STK32A: variants seen among roughly 807,000 people sequenced by gnomAD.
The protein encoded by STK32A is serine/threonine-protein kinase 32A.
Under a neutral mutation model 53.2 loss-of-function variants are expected in STK32A, and 41 were observed. That is an observed-to-expected ratio of 0.77 (90% confidence interval 0.60 to 1.00). The LOEUF (loss-of-function observed/expected upper bound fraction) is 1.00, where lower values mean the gene tolerates loss of function less well. STK32A is among the 50% of genes least tolerant of loss of function. The pLI is 0.00. For missense variants in STK32A, 458 were observed against 485.8 expected (o/e 0.94, Z 0.54); for synonymous variants, 166 against 162.8 (o/e 1.02, Z -0.15).
At chr5:147,237,092 C>A (rs1343372350) in intron 1 of STK32A, among the ~76,000 whole-genome samples, 1 of 152,108 alleles carries the variant, frequency 6.6e-6, no homozygotes, top group Non-Finnish European at 1.5e-5. Flanking sequence ...GTGGGTGCAT[C>A]ACAAGGTCAG....
chr5:147,342,043 C>T (rs1755442951), intron 5 of STK32A, among the ~76,000 whole-genome samples: 1 of 152,008 alleles, frequency 6.6e-6, no homozygotes, highest in Non-Finnish European at 1.5e-5. Context: ...TTATAACAGC[C>T]CTCACTTTTC....
chr5:147,288,354 T>G (rs961274512), intron 4 of STK32A, among the ~76,000 whole-genome samples: 1 of 152,216 alleles, frequency 6.6e-6, no homozygotes, highest in Non-Finnish European at 1.5e-5. Flanking sequence ...GTACAATATA[T>G]TCAATGTAAG....
At chr5:147,274,450 G>A (rs535426871) in intron 2 of STK32A, among the ~76,000 whole-genome samples, 2 of 152,278 alleles carry the variant, frequency 1.3e-5, no homozygotes, top group South Asian at 4.1e-4. Flanking sequence ...CATGATCCAA[G>A]TAAAAGACTC....
At chr5:147,266,639 ACACCCAGTGT>A (rs1252865540) in intron 2 of STK32A, among the ~76,000 whole-genome samples, 5 of 152,148 alleles carry the variant, frequency 3.3e-5, no homozygotes, top group African/African-American at 1.2e-4. Flanking sequence ...AGAACAAGAC[ACACCCAGTGT>A]CTTCCTTCAT....
chr5:147,292,236 G>C (rs1413957521), intron 4 of STK32A, among the ~76,000 whole-genome samples: 1 of 152,156 alleles, frequency 6.6e-6, no homozygotes, highest in Non-Finnish European at 1.5e-5. Flanking sequence ...CATCAAAGCA[G>C]TTTGGTCATA....
At chr5:147,394,787 T>C in the STK32A span, among the ~76,000 whole-genome samples, 39 of 152,304 alleles carry the variant, frequency 2.6e-4, no homozygotes, top group African/African-American at 8.4e-4. Flanking sequence ...TTTGTCTTTC[T>C]TCCCCTAGGT....
intron 7 of STK32A, among the ~76,000 whole-genome samples, chr5:147,351,959 A>G (rs1756007254): frequency 6.6e-6 from 1 of 152,252 alleles, no homozygotes; most frequent in Admixed American, 6.5e-5. Context: ...CATTACATAC[A>G]TAGAGCTATA....
chr5:147,373,672 G>A (rs763826970), intron 10 of STK32A, among the ~76,000 whole-genome samples: 1 of 152,116 alleles, frequency 6.6e-6, no homozygotes. Context: ...CTAGAGATCT[G>A]AGTCAAAGAA....
At chr5:147,361,940 T>C (rs1756524390) in intron 8 of STK32A, among the ~76,000 whole-genome samples, 2 of 152,232 alleles carry the variant, frequency 1.3e-5, no homozygotes, top group South Asian at 2.1e-4. Context: ...AAAGTCATTT[T>C]GCAGTCATAG....
rs146276185 is a variant in STK32A, at chr5:147,320,829, A to C, written c.261-3069A>C. Among the ~76,000 whole-genome samples, 75 of 152,254 alleles carry C rather than the reference A, an allele frequency of 4.9e-4. 1 individual carries two copies. The East Asian group carries it at 0.014, about 29-fold the overall frequency. On this transcript the variant is annotated intron_variant, in intron 4 of 12. Transcript: ENST00000397936. ...AGGGGGCGTGAATTGCTAGCTGGAG[A>C]GTGGAAGGAAAAGATCTTCAAGATA...
rs1754408093 is a variant in STK32A at position 147,259,717 on chromosome 5, CTCTT to C, written c.53-18399_53-18396del. Reference sequence around the variant, plus strand: ...TTTCTTTCCCTCTCTGACTTTCTGTCTCTTTCTTTCTGACTCCCTCTTTGTAGCT... The same window carrying C: ...TTTCTTTCCCTCTCTGACTTTCTGTCTCTTTCTGACTCCCTCTTTGTAGCT... On this transcript the variant is annotated intron_variant, in intron 2 of 12. Coordinates refer to ENST00000397936, the MANE Select transcript of STK32A (RefSeq NM_001112724.2). Among the ~76,000 whole-genome samples the C allele has an allele frequency of 3.9e-5, 6 of 152,082 alleles. No individual in the cohort carries two copies. In the South Asian group the frequency reaches 1.0e-3, roughly 26 times the overall value.
intron 9 of STK32A, 122 bp from the exon 10 acceptor site, chr5:147,373,047 A>G: frequency 8.5e-7 from 1 of 1,175,250 alleles, no homozygotes; most frequent in Non-Finnish European, 1.2e-6. Flanking sequence ...GGGATTAGGG[A>G]TAGGGGACAC....
At chr5:147,316,727 A>C (rs1196070167) in intron 4 of STK32A, among the ~76,000 whole-genome samples, 1 of 152,026 alleles carries the variant, frequency 6.6e-6, no homozygotes, top group Non-Finnish European at 1.5e-5. Flanking sequence ...ATTGTGGTGT[A>C]CATCTTTAGT....
intron 7 of STK32A, among the ~76,000 whole-genome samples, chr5:147,357,073 C>A (rs1477346983): frequency 2.0e-5 from 3 of 152,030 alleles, no homozygotes; most frequent in African/African-American, 7.2e-5. Flanking sequence ...TCTATTCAGC[C>A]ATTCTAAAAT....
chr5:147,258,057 A>G (rs1373311533), intron 2 of STK32A, among the ~76,000 whole-genome samples: 1 of 151,814 alleles, frequency 6.6e-6, no homozygotes, highest in African/African-American at 2.4e-5. Context: ...CCTTTATATT[A>G]GCAAGTTGTT....
intron 9 of STK32A, among the ~76,000 whole-genome samples, chr5:147,371,433 C>A (rs1030586792): frequency 2.0e-5 from 3 of 152,094 alleles, no homozygotes; most frequent in Non-Finnish European, 4.4e-5. Context: ...TTTTCTTCTT[C>A]TTTTCTTTCT....
intron 2 of STK32A, among the ~76,000 whole-genome samples, chr5:147,266,123 G>T (rs772440005): frequency 6.6e-6 from 1 of 152,104 alleles, no homozygotes; most frequent in Non-Finnish European, 1.5e-5. Flanking sequence ...AGATCATGCA[G>T]CCCTGACAAA....
intron 4 of STK32A, among the ~76,000 whole-genome samples, chr5:147,314,372 C>A (rs1414100118): frequency 6.6e-6 from 1 of 151,854 alleles, no homozygotes; most frequent in Non-Finnish European, 1.5e-5. Flanking sequence ...GTGTCAGGTA[C>A]CTGTATCCCC....
At chr5:147,364,215 C>CAAAA (rs764357691) in intron 8 of STK32A, among the ~76,000 whole-genome samples, 9 of 66,860 alleles carry the variant, frequency 1.3e-4, no homozygotes, top group Non-Finnish European at 1.8e-4. Context: ...AACTCCATCT[C>CAAAA]AAAAAAAAAA....
Sources: gnomAD v4.1 joint callset for allele counts (sites outside exome capture counted in the v4.1 genomes callset) on GRCh38, gnomAD v4.1.1 for gene constraint, MANE v1.5 for transcripts, NCBI Gene and HGNC (gene_info 2026-07-23, HGNC 2026-07-21) for gene names.